SERPINB10: variants seen among roughly 807,000 people sequenced by gnomAD.
SERPINB10 encodes serpin B10.
A neutral mutation model predicts 39.1 loss-of-function variants in SERPINB10; 35 were observed. The observed-to-expected ratio is 0.90, with a 90% CI of 0.68 to 1.19. SERPINB10 has a LOEUF of 1.19. SERPINB10 is among the 50% of genes most tolerant of loss of function. The pLI, the probability that SERPINB10 is intolerant of heterozygous loss-of-function variation, is 0.00. For synonymous variants in SERPINB10, 190 were observed against 158.1 expected, an observed-to-expected ratio of 1.20 and a Z score of -1.52; for missense variants, 546 against 460.5, an observed-to-expected ratio of 1.19 and a Z score of -1.70.
rs765763086 is a variant in SERPINB10 at position 63,919,744 on chromosome 18, T to C, written c.373-44T>C. Reference sequence around the variant, plus strand: ...TCTAAATAGATTTGATTTCTCAATTTTGAACAAACTCTACAAAAGGGGATT... The same window carrying C: ...TCTAAATAGATTTGATTTCTCAATTCTGAACAAACTCTACAAAAGGGGATT... On this transcript the variant is annotated intron_variant, in intron 4 of 7. Transcript: ENST00000238508. 1.8e-5 allele frequency: 24 copies of C among 1,360,008 alleles called. No individual in the cohort carries two copies. The South Asian group carries it at 2.9e-4, about 16-fold the overall frequency. The allele number at this position is 1,360,008 out of a possible 1,614,324, so 84.2% of individuals were successfully genotyped here.
At chr18:63,910,111 C>T (rs2050053200) in intron 1 of SERPINB10, among the ~76,000 whole-genome samples, 1 of 151,744 alleles carries the variant, frequency 6.6e-6, no homozygotes. Context: ...ATGATGAAAC[C>T]AAAACTTTGT....
chr18:63,926,620 A>G (rs2050183746), intron 5 of SERPINB10, among the ~76,000 whole-genome samples: 1 of 152,050 alleles, frequency 6.6e-6, no homozygotes, highest in African/African-American at 2.4e-5. Context: ...ACAAATGGGA[A>G]GTCTTTCTTA....
At position 63,931,530 on chromosome 18, in the gene SERPINB10, G is replaced by A. The variant is rs568126043; in HGVS notation, c.633+1343G>A. Among the ~76,000 whole-genome samples, 50 of 152,240 alleles carry A rather than the reference G, an allele frequency of 3.3e-4. No homozygotes were observed. The South Asian group carries it at 0.01, about 31-fold the overall frequency. ...GACATAGAATGGAAAAGTAACATAT[G>A]TCTACAACATCTAAGTTGCAGGGGT... On this transcript the variant is annotated intron_variant, in intron 6 of 7. Transcript: ENST00000238508.
chr18:63,910,246 C>T (rs1251747990), intron 1 of SERPINB10, among the ~76,000 whole-genome samples: 1 of 151,996 alleles, frequency 6.6e-6, no homozygotes, highest in Non-Finnish European at 1.5e-5. Context: ...CTCTACACAA[C>T]TTTGGCATTA....
intron 1 of SERPINB10, 120 bp from the exon 2 acceptor site, chr18:63,915,382 C>G (rs2050093516): frequency 5.1e-6 from 3 of 583,478 alleles, no homozygotes; most frequent in Non-Finnish European, 8.6e-6. Flanking sequence ...TTGCTAAAGT[C>G]TATTCAGCTC....
intron 5 of SERPINB10, among the ~76,000 whole-genome samples, chr18:63,929,376 T>G (rs2050203222): frequency 6.6e-6 from 1 of 152,052 alleles, no homozygotes; most frequent in South Asian, 2.1e-4. Context: ...CCCTTCTTCC[T>G]CCAGGGCAGT....
intron 5 of SERPINB10, among the ~76,000 whole-genome samples, chr18:63,926,432 C>T (rs1188890188): frequency 6.6e-6 from 1 of 152,002 alleles, no homozygotes; most frequent in African/African-American, 2.4e-5. Flanking sequence ...TCTGCAGAGA[C>T]TGTATTTCTA....
At chr18:63,925,999 AC>A (rs1340491620) in intron 5 of SERPINB10, among the ~76,000 whole-genome samples, 1 of 152,012 alleles carries the variant, frequency 6.6e-6, no homozygotes, top group Non-Finnish European at 1.5e-5. Flanking sequence ...ACACAGCATG[AC>A]TTTGGTGGTT....
At chr18:63,929,726 AAAAAAAAG>A (rs1394796554) in intron 5 of SERPINB10, among the ~76,000 whole-genome samples, 20 of 87,342 alleles carry the variant, frequency 2.3e-4, no homozygotes, top group African/African-American at 7.5e-4. Flanking sequence ...AAAAAAAAAA[AAAAAAAAG>A]AAAAAAAAAA....
chr18:63,917,715 T>A (rs2050114386), intron 3 of SERPINB10, among the ~76,000 whole-genome samples, 194 bp downstream of exon 3: 1 of 152,008 alleles, frequency 6.6e-6, no homozygotes, highest in Non-Finnish European at 1.5e-5. Flanking sequence ...GCCCTTTTAA[T>A]CTCTCTAAAA....
chr18:63,909,835 A>G (rs1460340179), intron 1 of SERPINB10, among the ~76,000 whole-genome samples: 1 of 152,080 alleles, frequency 6.6e-6, no homozygotes, highest in East Asian at 1.9e-4. Flanking sequence ...GGAAATACAG[A>G]GTTATTTTGA....
Position 63,932,959 on chromosome 18 carries a change from G to A in SERPINB10, c.634-89G>A, listed in dbSNP as rs563313397. 1.1e-5 allele frequency: 14 copies of A among 1,227,712 alleles called. No individual in the cohort carries two copies. In the East Asian group the frequency reaches 2.3e-4, roughly 20 times the overall value. The allele number at this position is 1,227,712 out of a possible 1,614,324, so 76.1% of individuals were successfully genotyped here. A position where few individuals can be genotyped will look rare whatever the true frequency, so the allele number is the denominator to read the frequency against. Reference sequence around the variant, plus strand: ...GAGAATCAGCAGTTTCACCAACTGAGAGCCAATGATGGTAGAGAATTAAGG... The same window carrying A: ...GAGAATCAGCAGTTTCACCAACTGAAAGCCAATGATGGTAGAGAATTAAGG... On this transcript the variant is annotated intron_variant, in intron 6 of 7. Transcript: ENST00000238508.
intron 7 of SERPINB10, 70 bp downstream of exon 7, chr18:63,933,273 A>G (rs1347991618): frequency 6.5e-7 from 1 of 1,532,096 alleles, no homozygotes; most frequent in Non-Finnish European, 9.0e-7. Context: ...TGCTTGGCCA[A>G]GGTTTCTCCC....
At chr18:63,915,053 A>G (rs1318959626) in intron 1 of SERPINB10, among the ~76,000 whole-genome samples, 2 of 152,110 alleles carry the variant, frequency 1.3e-5, no homozygotes, top group African/African-American at 2.4e-5. Flanking sequence ...AATGAGTAAT[A>G]AATATTTACA....
intron 3 of SERPINB10, 90 bp downstream of exon 3, chr18:63,917,611 CA>C: frequency 1.4e-6 from 1 of 716,380 alleles, no homozygotes; most frequent in South Asian, 2.5e-5. Flanking sequence ...CAACTTTTAG[CA>C]GGTAATTTTT....
In SERPINB10 at chr18:63,933,260, A is replaced by G. The variant is rs536292986; in HGVS notation, c.789+57A>G. ...TGTTTCCAGTGTTTACTAAGAAAAG[A>G]ACTGCTTGGCCAAGGTTTCTCCCAA... On this transcript the variant is annotated intron_variant, in intron 7 of 7. Coordinates refer to ENST00000238508, the MANE Select transcript of SERPINB10 (RefSeq NM_005024.3). The G allele has an allele frequency of 9.5e-6, 15 of 1,584,564 alleles. No homozygotes were observed. In the East Asian group the frequency reaches 3.1e-4, roughly 33 times the overall value.
At chr18:63,917,337 T>C in intron 2 of SERPINB10, 119 bp from the exon 3 acceptor site, 1 of 511,738 alleles carries the variant, frequency 2.0e-6, no homozygotes, top group Non-Finnish European at 3.3e-6. Flanking sequence ...AGCCCCTTTG[T>C]TTAACTAATT....
At chr18:63,910,107 A>G (rs890230798) in intron 1 of SERPINB10, among the ~76,000 whole-genome samples, 18 of 152,046 alleles carry the variant, frequency 1.2e-4, no homozygotes, top group African/African-American at 4.3e-4. Flanking sequence ...AGTTATGATG[A>G]AACCAAAACT....
Position 63,935,048 on chromosome 18 carries a change from T to C in SERPINB10, c.1000T>C (p.Ser334Pro). 6.2e-7 allele frequency: 1 copy of C among 1,614,166 alleles called. No individual in the cohort carries two copies. Among genetic ancestry groups the C allele is most frequent in the South Asian group, 1.1e-5 (1 of 91,064 alleles). ...GTCTTCAGCAAGAAACCTATTTTTG[T>C]CCAATGTTTTCCATAAGGCTTTTGT... ...GMSSARNLFL[S>P]NVFHKAFVEI... is the part of the protein sequence containing the mutation. The change falls in exon 8 of 8, where the codon TCC becomes CCC. Residue 334 changes from serine to proline, a missense_variant. By Grantham distance (74) the Ser-to-Pro change is moderately conservative (BLOSUM62 -1). Coordinates refer to ENST00000238508, the MANE Select transcript of SERPINB10 (RefSeq NM_005024.3).
Sources: gnomAD v4.1 joint callset for allele counts (sites outside exome capture counted in the v4.1 genomes callset) on GRCh38, gnomAD v4.1.1 for gene constraint, MANE v1.5 for transcripts, NCBI Gene and HGNC (gene_info 2026-07-23, HGNC 2026-07-21) for gene names.